Variants in CARS2 observed in about 807,000 individuals in gnomAD.
CARS2 encodes the protein probable cysteine--tRNA ligase, mitochondrial.
CARS2 carries 52 observed loss-of-function variants against 68.8 expected under a neutral mutation model. The ratio of observed to expected loss-of-function variants is 0.76; its 90% CI spans 0.61 to 0.95. The LOEUF (loss-of-function observed/expected upper bound fraction) is 0.95. CARS2 is among the 40% of genes least tolerant of loss of function. The probability of loss-of-function intolerance (pLI) is 0.00; values close to 1 mark genes in which losing one functional copy is unlikely to be tolerated. For missense variants in CARS2, 780 were observed against 754.2 expected, an observed-to-expected ratio of 1.03 and a Z score of -0.40; for synonymous variants, 314 against 303.6, an observed-to-expected ratio of 1.03 and a Z score of -0.36.
At chr13:110,661,785 C>T (rs899474745) in intron 9 of CARS2, among the ~76,000 whole-genome samples, 3 of 152,126 alleles carry the variant, frequency 2.0e-5, no homozygotes, top group African/African-American at 7.2e-5. Context: ...TGTTGTGTCT[C>T]AGGGAATAGG....
intron 6 of CARS2, among the ~76,000 whole-genome samples, chr13:110,678,910 C>T (rs933346277): frequency 3.3e-5 from 5 of 152,056 alleles, no homozygotes; most frequent in Admixed American, 6.5e-5. Context: ...TATGGACACG[C>T]GGGGCGGGGA....
intron 9 of CARS2, among the ~76,000 whole-genome samples, chr13:110,657,897 C>T (rs952220133): frequency 2.0e-5 from 3 of 152,162 alleles, no homozygotes; most frequent in African/African-American, 7.2e-5. Context: ...CCTTGCAGCC[C>T]CCAGGGAATG....
In CARS2 at chr13:110,644,437, G is replaced by C; in HGVS notation, c.1364C>G (p.Ser455Cys). Residue 455 changes from serine to cysteine, a missense_variant, in exon 13 of 15, where the codon TCT (serine) becomes TGT (cysteine). Ser to Cys is a moderately radical substitution (Grantham distance 112). Coordinates refer to ENST00000257347, the MANE Select transcript of CARS2 (RefSeq NM_024537.4). ...RSPAVFGAII[S>C]YFEQFFETVG... ...AGTTTCAAAAAACTGTTCAAAGTAA[G>C]AGATGATGGCACCAAACACAGCAGG... 6.2e-7 allele frequency: 1 copy of C among 1,614,096 alleles called. No homozygotes were observed.
At chr13:110,712,008 C>T (rs1021926614) in intron 1 of CARS2, among the ~76,000 whole-genome samples, 5 of 152,166 alleles carry the variant, frequency 3.3e-5, no homozygotes, top group Admixed American at 1.3e-4. Context: ...CAAATCTTAC[C>T]ACCAGAATGT....
chr13:110,710,878 T>A (rs762150306), upstream of CARS2, among the ~76,000 whole-genome samples: 13 of 152,170 alleles, frequency 8.5e-5, no homozygotes, highest in Non-Finnish European at 1.6e-4. Context: ...TATGTGTATG[T>A]GAAGAGAGTA....
At chr13:110,662,213 TCTGCGTCATGCAACCCCACGGCC>T (rs1432523965) in intron 9 of CARS2, among the ~76,000 whole-genome samples, 6 of 97,026 alleles carry the variant, frequency 6.2e-5, no homozygotes, top group South Asian at 3.0e-4. Context: ...TCGGACCCCC[TCTGCGTCATGCAACCCCACGGCC>T]GGGTTCGGAC....
chr13:110,702,190 G>A (rs143927451), intron 2 of CARS2, among the ~76,000 whole-genome samples: 123 of 152,300 alleles, frequency 8.1e-4, no homozygotes, highest in African/African-American at 2.9e-3. Flanking sequence ...TGCTATCCAT[G>A]TGGCCTAAAT....
intron 3 of CARS2, among the ~76,000 whole-genome samples, chr13:110,699,748 T>G (rs2063728271): frequency 6.6e-6 from 1 of 152,256 alleles, no homozygotes; most frequent in Non-Finnish European, 1.5e-5. Flanking sequence ...ATGGCTTCTT[T>G]AGGAAAAGTC....
intron 9 of CARS2, among the ~76,000 whole-genome samples, chr13:110,652,483 C>T (rs547403046): frequency 3.9e-5 from 6 of 152,102 alleles, no homozygotes; most frequent in South Asian, 2.1e-4. Flanking sequence ...GTCCCTGCTT[C>T]AGGCTTCAGC....
intron 3 of CARS2, among the ~76,000 whole-genome samples, chr13:110,690,195 T>C (rs945624762): frequency 4.6e-5 from 7 of 152,260 alleles, no homozygotes; most frequent in African/African-American, 1.7e-4. Context: ...CCTACTGCAC[T>C]CTAGACTGGG....
At chr13:110,709,956 T>C (rs1321658434), upstream of CARS2, among the ~76,000 whole-genome samples, 1 of 152,190 alleles carries the variant, frequency 6.6e-6, no homozygotes, top group Admixed American at 6.5e-5. Context: ...GTTCTCAGTA[T>C]TACATTTTCT....
At position 110,642,471 on chromosome 13, in the gene CARS2, C is replaced by T; in HGVS notation, c.1467G>A (p.Glu489=). The change falls in exon 14 of 15, where the codon GAG becomes GAA. Residue 489 remains glutamate, a synonymous_variant. Transcript: ENST00000257347. ...GGACCTTCTGCCGGAACCGCACCAGCTCGTCCACCACACCATGCAAGGTAG... is the reference window on the plus strand; with the variant it reads ...GGACCTTCTGCCGGAACCGCACCAGTTCGTCCACCACACCATGCAAGGTAG... The part of the protein sequence containing the change: ...SEATLHGVVD[E]LVRFRQKVRQ... 1.2e-6 allele frequency: 2 copies of T among 1,610,104 alleles called. No individual in the cohort carries two copies. The highest frequency in any genetic ancestry group is 1.7e-6 in the Non-Finnish European group (2 of 1,178,674).
At chr13:110,682,375 G>A (rs1474890856) in intron 6 of CARS2, among the ~76,000 whole-genome samples, 1 of 152,170 alleles carries the variant, frequency 6.6e-6, no homozygotes, top group Admixed American at 6.5e-5. Context: ...GCGGGACAGG[G>A]CACCACGGCG....
In CARS2 at chr13:110,642,430, G is replaced by C. The variant is rs752148416; in HGVS notation, c.1508C>G (p.Ala503Gly). The C allele has an allele frequency of 2.5e-6, 4 of 1,605,402 alleles. No homozygotes were observed. The highest frequency in any genetic ancestry group is 1.7e-4 in the Middle Eastern group (1 of 6,052). The change falls in exon 14 of 15, where the codon GCC (alanine) becomes GGC (glycine). Residue 503 changes from alanine (A) to glycine (G), a missense_variant. Coordinates refer to ENST00000257347, the MANE Select transcript of CARS2 (RefSeq NM_024537.4). ...FRQKVRQFAL[A>G]MPEATGDARR... ...GGCGTCCCCCGTGGCCTCGGGCATGGCCAGCGCAAACTGCCGGACCTTCTG... is the reference window on the plus strand; with the variant it reads ...GGCGTCCCCCGTGGCCTCGGGCATGCCCAGCGCAAACTGCCGGACCTTCTG...
chr13:110,642,081 A>G (rs747023982), intron 14 of CARS2, among the ~76,000 whole-genome samples: 2 of 152,174 alleles, frequency 1.3e-5, no homozygotes, highest in African/African-American at 4.8e-5. Flanking sequence ...CATGCCTGTA[A>G]TCCTAGCTAC....
At chr13:110,692,866 CT>C (rs1277576740) in intron 3 of CARS2, among the ~76,000 whole-genome samples, 4 of 151,880 alleles carry the variant, frequency 2.6e-5, no homozygotes, top group Non-Finnish European at 5.9e-5. Context: ...AATGCCAGCA[CT>C]TTGGGAGGAC....
Position 110,646,321 on chromosome 13 carries a change from C to G in CARS2, c.1194-231G>C, listed in dbSNP as rs371910729. 3.9e-5 allele frequency: 18 copies of G among 458,118 alleles called. 1 individual carries two copies. The highest frequency in any genetic ancestry group is 1.9e-4 in the East Asian group (5 of 26,272). 28.4% of individuals were successfully genotyped at this position (458,118 alleles called of 1,614,324 possible). A position where few individuals can be genotyped will look rare whatever the true frequency, so the allele number is the denominator to read the frequency against. On this transcript the variant is annotated intron_variant, in intron 11 of 14. Transcript: ENST00000257347. The stretch of plus-strand genomic sequence containing the variant: ...CCCAGAGCAGAGGTCACCTGTGACA[C>G]TTAAAATACAAGACACACGTGGGCA...
In CARS2 at chr13:110,676,272, T is replaced by C. The variant is rs7336283; in HGVS notation, c.785+702A>G. On this transcript the variant is annotated intron_variant, in intron 7 of 14. Transcript: ENST00000257347. This position sits in a 1 kb window ranked among gnomAD's most constrained non-coding sequence, Gnocchi z 4.0. Reference sequence around the variant, plus strand: ...ACCCCACCCAAGGTGCCCCTGGCTGTGGGCAGAGCCACAGGGTGTGGACAC... The same window carrying C: ...ACCCCACCCAAGGTGCCCCTGGCTGCGGGCAGAGCCACAGGGTGTGGACAC... 0.78 allele frequency among the ~76,000 whole-genome samples: 117,989 copies of C among 152,182 alleles called. 46,462 individuals are homozygous for C. The highest frequency in any genetic ancestry group is 0.85 in the Middle Eastern group (250 of 294).
chr13:110,672,282 G>A (rs1335415373), intron 7 of CARS2, among the ~76,000 whole-genome samples: 4 of 152,164 alleles, frequency 2.6e-5, no homozygotes, highest in East Asian at 1.9e-4. Flanking sequence ...GCACCACATC[G>A]CACTTATTCC....
Sources: allele counts gnomAD v4.1 joint callset (sites outside exome capture counted in the v4.1 genomes callset), GRCh38; gene constraint gnomAD v4.1.1; non-coding constraint Gnocchi (gnomAD v3.1); transcripts MANE v1.5; gene names NCBI Gene and HGNC (gene_info 2026-07-23, HGNC 2026-07-21).